STK31: variants seen among roughly 807,000 people sequenced by gnomAD.
STK31 encodes the protein serine/threonine kinase 31.
Under a neutral mutation model 129.7 loss-of-function variants are expected in STK31, and 89 were observed. The ratio of observed to expected loss-of-function variants is 0.69; its 90% CI spans 0.58 to 0.82. The LOEUF (loss-of-function observed/expected upper bound fraction) is 0.82, where lower values mean the gene tolerates loss of function less well. Ranked by LOEUF, STK31 falls within the 40% of genes least tolerant of loss-of-function variation. The pLI is 0.00. For synonymous variants in STK31, 448 were observed against 395.3 expected (o/e 1.13, Z -1.58); for missense variants, 1,187 against 1,176.4 (o/e 1.01, Z -0.13).
intron 10 of STK31, among the ~76,000 whole-genome samples, chr7:23,761,705 G>T (rs116929828): frequency 0.018 from 2,672 of 151,008 alleles, 120 homozygotes; most frequent in Admixed American, 0.092. Flanking sequence ...ACCGTGCCCA[G>T]ATGTTTTTTT....
intron 6 of STK31, among the ~76,000 whole-genome samples, chr7:23,731,616 C>A (rs1787437403): frequency 6.6e-6 from 1 of 152,142 alleles, no homozygotes; most frequent in South Asian, 2.1e-4. Context: ...AGAAGGTGTC[C>A]TGGGCACTGA....
intron 4 of STK31, among the ~76,000 whole-genome samples, chr7:23,726,852 C>T (rs1253131674): frequency 6.6e-6 from 1 of 152,036 alleles, no homozygotes; most frequent in Admixed American, 6.6e-5. Flanking sequence ...ACTTACGTGG[C>T]ATGTACTTGC....
At chr7:23,727,519 A>G in intron 5 of STK31, 1 of 329,516 alleles carries the variant, frequency 3.0e-6, no homozygotes, top group Non-Finnish European at 5.6e-6. Context: ...TATAATATGT[A>G]GGTTATTTTT....
chr7:23,765,826 C>A (rs62468640), intron 11 of STK31, among the ~76,000 whole-genome samples: 1 of 151,994 alleles, frequency 6.6e-6, no homozygotes, highest in Non-Finnish European at 1.5e-5. Flanking sequence ...GGATTACAGG[C>A]GTGAGCCACT....
intron 23 of STK31, among the ~76,000 whole-genome samples, chr7:23,819,024 AT>A (rs1183564998): frequency 2.0e-5 from 3 of 152,176 alleles, no homozygotes; most frequent in Non-Finnish European, 4.4e-5. Context: ...AAAAAATTAT[AT>A]TTTTATTGGA....
At position 23,790,851 on chromosome 7, in the gene STK31, G is replaced by A. The variant is rs377331423; in HGVS notation, c.2665G>A (p.Val889Ile). ...TCAGCGAGCCTCGGTGAACATGATG[G>A]TTGGTGACTTGAGTTTGATGTCACC... ...VSQRASVNMM[V>I]GDLSLMSPEL... The change falls in exon 22 of 24, where the codon GTT (valine) becomes ATT (isoleucine). Residue 889 changes from valine to isoleucine, a missense_variant. By Grantham distance (29) the Val-to-Ile change is conservative (BLOSUM62 3). Transcript: ENST00000355870. 6.2e-7 allele frequency: 1 copy of A among 1,606,386 alleles called. No homozygotes were observed. The highest frequency in any genetic ancestry group is 1.3e-5 in the African/African-American group (1 of 74,604).
At chr7:23,795,569 C>G (rs190209289) in intron 22 of STK31, among the ~76,000 whole-genome samples, 28 of 152,260 alleles carry the variant, frequency 1.8e-4, no homozygotes, top group Non-Finnish European at 2.8e-4. Flanking sequence ...TCCTCCAGAC[C>G]CCAGAATGGT....
chr7:23,727,194 A>G (rs774586512), intron 4 of STK31, 47 bp from the exon 5 acceptor site: 9 of 1,495,416 alleles, frequency 6.0e-6, no homozygotes, highest in East Asian at 4.5e-5. Context: ...TGATCTGTTC[A>G]CCATGCTTTA....
rs1584449388 is a variant in STK31, at chr7:23,788,247, T to G, written c.2637+118T>G. The G allele has an allele frequency of 1.2e-5, 11 of 910,256 alleles. No individual in the cohort carries two copies. In the East Asian group the frequency reaches 3.5e-4, roughly 29 times the overall value. The allele number at this position is 910,256 out of a possible 1,614,324, so 56.4% of individuals were successfully genotyped here. A position where few individuals can be genotyped will look rare whatever the true frequency, so the allele number is the denominator to read the frequency against. ...ATAGGATCTTTGTCTTCAGTTAAAC[T>G]GTGTCATGTAGTATAAGCAACTATT... On this transcript the variant is annotated intron_variant, in intron 21 of 23. Transcript: ENST00000355870.
In STK31 at chr7:23,832,192, T is replaced by C. The variant is rs750197041; in HGVS notation, c.2886T>C (p.Thr962=). Residue 962 remains threonine (T), a synonymous_variant, in exon 24 of 24, where the codon ACT becomes ACC. Transcript: ENST00000355870. ...TGATATGTTATAGAAGTTCAATGAC[T>C]GCTGAACAAGTTTTAAATGCTGAAT... is the stretch of plus-strand genomic sequence containing the variant. The part of the protein sequence containing the change: ...CSLICYRSSM[T]AEQVLNAECF... 1.9e-5 allele frequency: 31 copies of C among 1,614,060 alleles called. No homozygotes were observed. Among genetic ancestry groups the C allele is most frequent in the Admixed American group, 8.3e-5 (5 of 60,006 alleles).
chr7:23,754,793 T>C (rs966666379), intron 10 of STK31, among the ~76,000 whole-genome samples: 1 of 152,212 alleles, frequency 6.6e-6, no homozygotes, highest in Admixed American at 6.5e-5. Context: ...GATGATGGCT[T>C]CCAGCTTCAT....
chr7:23,749,672 T>A (rs1788577691), intron 8 of STK31, among the ~76,000 whole-genome samples: 2 of 152,136 alleles, frequency 1.3e-5, no homozygotes, highest in South Asian at 4.1e-4. Context: ...TCTTGATAAC[T>A]GTATATGATA....
chr7:23,782,608 A>G (rs1791008366), intron 16 of STK31, among the ~76,000 whole-genome samples: 1 of 152,194 alleles, frequency 6.6e-6, no homozygotes. Flanking sequence ...GGGTTAAAAT[A>G]GCGATCTTGC....
At chr7:23,752,193 A>G (rs1454498745) in intron 8 of STK31, among the ~76,000 whole-genome samples, 1 of 152,194 alleles carries the variant, frequency 6.6e-6, no homozygotes, top group Non-Finnish European at 1.5e-5. Flanking sequence ...ATGATGAATG[A>G]ATAAATTCCA....
chr7:23,743,500 A>G (rs1788174088), intron 8 of STK31, among the ~76,000 whole-genome samples: 1 of 152,130 alleles, frequency 6.6e-6, no homozygotes, highest in Non-Finnish European at 1.5e-5. Context: ...AGAAATTTAC[A>G]GTTAATCTGA....
At chr7:23,742,508 T>C (rs1292953806) in intron 8 of STK31, among the ~76,000 whole-genome samples, 1 of 152,230 alleles carries the variant, frequency 6.6e-6, no homozygotes, top group Non-Finnish European at 1.5e-5. Context: ...ACAATGTCTT[T>C]GTGTGATCTT....
At chr7:23,792,378 A>G (rs1402269626) in intron 22 of STK31, among the ~76,000 whole-genome samples, 1 of 152,186 alleles carries the variant, frequency 6.6e-6, no homozygotes, top group South Asian at 2.1e-4. Context: ...GTATTAAAAT[A>G]TGGAATTTGT....
At chr7:23,754,726 A>T (rs1788948317) in intron 10 of STK31, among the ~76,000 whole-genome samples, 1 of 151,968 alleles carries the variant, frequency 6.6e-6, no homozygotes, top group Non-Finnish European at 1.5e-5. Flanking sequence ...TTCAACTCCC[A>T]CTTACGAGTG....
chr7:23,789,288 A>G (rs999249875), intron 21 of STK31, among the ~76,000 whole-genome samples: 5 of 152,058 alleles, frequency 3.3e-5, no homozygotes, highest in African/African-American at 1.2e-4. Flanking sequence ...TTGTGTGGAC[A>G]TGTTTTCATT....
Sources: allele counts gnomAD v4.1 joint callset (sites outside exome capture counted in the v4.1 genomes callset), GRCh38; gene constraint gnomAD v4.1.1; transcripts MANE v1.5; gene names NCBI Gene and HGNC (gene_info 2026-07-23, HGNC 2026-07-21).